Variants in KCNK10 observed in about 807,000 individuals in gnomAD.
KCNK10 encodes the protein potassium channel subfamily K member 10.
A neutral mutation model predicts 47.7 loss-of-function variants in KCNK10; 25 were observed. That is an observed-to-expected ratio of 0.52 (90% CI 0.38 to 0.73). The LOEUF (loss-of-function observed/expected upper bound fraction) is 0.73, where lower values mean the gene tolerates loss of function less well. Ranked by LOEUF, KCNK10 falls within the 30% of genes least tolerant of loss-of-function variation. The probability of loss-of-function intolerance (pLI) is 0.00; values close to 1 mark genes in which losing one functional copy is unlikely to be tolerated. For missense variants in KCNK10, 563 were observed against 714.5 expected, an observed-to-expected ratio of 0.79 and a Z score of 2.42; for synonymous variants, 303 against 285.6, an observed-to-expected ratio of 1.06 and a Z score of -0.61.
intron 1 of KCNK10, among the ~76,000 whole-genome samples, chr14:88,295,280 A>C (rs899301350): frequency 6.6e-6 from 1 of 152,242 alleles, no homozygotes; most frequent in African/African-American, 2.4e-5. Context: ...TAGTTCCCAG[A>C]TATGAATAGC....
chr14:88,235,726 A>C (rs1233650332), intron 3 of KCNK10, among the ~76,000 whole-genome samples: 1 of 152,238 alleles, frequency 6.6e-6, no homozygotes, highest in African/African-American at 2.4e-5. Context: ...AATGAGAGAC[A>C]TAGAAGATGA....
chr14:88,257,566 G>A (rs111787742), intron 2 of KCNK10, among the ~76,000 whole-genome samples: 1,549 of 152,288 alleles, frequency 0.01, 28 homozygotes, highest in African/African-American at 0.036. Flanking sequence ...AGTGCATGGT[G>A]GTTCAGAGCC....
At chr14:88,301,241 A>G (rs905575609) in intron 1 of KCNK10, among the ~76,000 whole-genome samples, 1 of 152,194 alleles carries the variant, frequency 6.6e-6, no homozygotes, top group African/African-American at 2.4e-5. Context: ...CATAGTAACA[A>G]TAAATGTTAG....
intron 2 of KCNK10, among the ~76,000 whole-genome samples, chr14:88,246,026 G>A (rs1486061305): frequency 2.0e-5 from 3 of 152,170 alleles, no homozygotes; most frequent in Non-Finnish European, 2.9e-5. Context: ...GCCAGGGATT[G>A]AGGCAGGATG....
chr14:88,284,898 G>A (rs1249304878), intron 1 of KCNK10, among the ~76,000 whole-genome samples: 5 of 152,150 alleles, frequency 3.3e-5, no homozygotes, highest in East Asian at 1.9e-4. Context: ...AAATGGGTAC[G>A]ATAAAGTAAC....
At chr14:88,206,191 G>T (rs984350904) in intron 4 of KCNK10, among the ~76,000 whole-genome samples, 17 of 152,160 alleles carry the variant, frequency 1.1e-4, no homozygotes, top group African/African-American at 4.1e-4. Context: ...GGAGCCCCCT[G>T]GAAGCTCTGT....
chr14:88,262,882 C>A (rs1224070975), intron 2 of KCNK10, among the ~76,000 whole-genome samples: 1 of 152,168 alleles, frequency 6.6e-6, no homozygotes, highest in Non-Finnish European at 1.5e-5. Context: ...TCCCAGCATT[C>A]CACAGAGTTC....
chr14:88,191,974 T>A (rs181446508), intron 5 of KCNK10, among the ~76,000 whole-genome samples: 1 of 152,194 alleles, frequency 6.6e-6, no homozygotes, highest in Non-Finnish European at 1.5e-5. Context: ...TTGCATAATT[T>A]GTGTGACGAT....
intron 3 of KCNK10, among the ~76,000 whole-genome samples, chr14:88,229,478 T>G (rs1163757594): frequency 2.6e-5 from 2 of 77,744 alleles, no homozygotes; most frequent in African/African-American, 7.0e-5. Context: ...ATGCAAAGTA[T>G]TATTATTATT....
rs1227716862 is a variant in KCNK10, at chr14:88,310,144, TCCATATCTCTCTCATATA to T, written c.52+12585_52+12602del. Among the ~76,000 whole-genome samples, 25 of 146,356 alleles carry T rather than the reference TCCATATCTCTCTCATATA, an allele frequency of 1.7e-4. 1 individual carries two copies. The highest frequency in any genetic ancestry group is 6.0e-4 in the African/African-American group (24 of 40,050). On this transcript the variant is annotated intron_variant, in intron 1 of 6. Transcript: ENST00000319231. Reference sequence around the variant, plus strand: ...ATGTGTTCTGGAGCTGATGTTTTAATCCATATCTCTCTCATATACCATATCATATGGTATATGATATAC... The same window carrying T: ...ATGTGTTCTGGAGCTGATGTTTTAATCCATATCATATGGTATATGATATAC...
rs1373177938 is a variant in KCNK10 at position 88,301,649 on chromosome 14, G to GGA, written c.52+21096_52+21097dup. Among the ~76,000 whole-genome samples the GGA allele has an allele frequency of 3.6e-4, 9 of 24,728 alleles. No individual in the cohort carries two copies. The South Asian group carries it at 4.2e-3, about 12-fold the overall frequency. 16.2% of individuals were successfully genotyped at this position (24,728 alleles called of 152,430 possible). On this transcript the variant is annotated intron_variant, in intron 1 of 6. Coordinates refer to ENST00000319231, the MANE Select transcript of KCNK10 (RefSeq NM_138317.3). ...GAAAATTGGGCAGAAGATAATCCTA[G>GGA]GAGAAAAAAAAAAAAGAGGTCCCGT...
chr14:88,253,001 C>T (rs910103101), intron 2 of KCNK10, among the ~76,000 whole-genome samples: 5 of 152,118 alleles, frequency 3.3e-5, no homozygotes, highest in Admixed American at 1.3e-4. Context: ...ATTAAGAGAG[C>T]GTGGCCTCTG....
At chr14:88,190,989 G>A (rs1399962200) in intron 5 of KCNK10, among the ~76,000 whole-genome samples, 3 of 152,102 alleles carry the variant, frequency 2.0e-5, no homozygotes, top group African/African-American at 4.8e-5. Context: ...GCTCACACCT[G>A]TAATCCCAGC....
intron 1 of KCNK10, among the ~76,000 whole-genome samples, chr14:88,312,439 C>T (rs1888345370): frequency 6.6e-6 from 1 of 152,174 alleles, no homozygotes; most frequent in Non-Finnish European, 1.5e-5. Context: ...GGCTGGATGC[C>T]GACTTGCGTT....
Position 88,186,098 on chromosome 14 carries a change from G to A in KCNK10, c.1069C>T (p.Arg357Trp), listed in dbSNP as rs764537069. The change falls in exon 7 of 7, where the codon CGG becomes TGG. Residue 357 changes from arginine (R) to tryptophan (W), a missense_variant. Arg to Trp is a moderately radical substitution (Grantham distance 101). Transcript: ENST00000319231. This position sits in a 1 kb window ranked among gnomAD's most constrained non-coding sequence, Gnocchi z 5.5. ...EWKANVTAEFRETRRRLSVEI... is the reference protein window; with the variant it reads ...EWKANVTAEFWETRRRLSVEI... Reference sequence around the variant, plus strand: ...ACGCTGAGCCTTCGCCGTGTCTCCCGGAACTCAGCCGTGACATTGGCCTTC... The same window carrying A: ...ACGCTGAGCCTTCGCCGTGTCTCCCAGAACTCAGCCGTGACATTGGCCTTC... 5.0e-6 allele frequency: 8 copies of A among 1,610,176 alleles called. No individual in the cohort carries two copies. The highest frequency in any genetic ancestry group is 2.2e-5 in the East Asian group (1 of 44,810).
At position 88,265,227 on chromosome 14, in the gene KCNK10, G is replaced by A. The variant is rs78278611; in HGVS notation, c.53-1676C>T. Among the ~76,000 whole-genome samples, 954 of 152,320 alleles carry A rather than the reference G, an allele frequency of 6.3e-3. 6 individuals carry two copies. Among genetic ancestry groups the A allele is most frequent in the Non-Finnish European group, 0.011 (717 of 68,034 alleles). On this transcript the variant is annotated intron_variant, in intron 1 of 6. Coordinates refer to ENST00000319231, the MANE Select transcript of KCNK10 (RefSeq NM_138317.3). ...GACATATATGAATGTTATCTTACAT[G>A]GCAAAAGGGACTTTGCAGATGTGAT...
chr14:88,245,460 A>T (rs1886606941), intron 2 of KCNK10, among the ~76,000 whole-genome samples: 1 of 152,174 alleles, frequency 6.6e-6, no homozygotes, highest in Non-Finnish European at 1.5e-5. Flanking sequence ...GACCCCTCAC[A>T]GGACCCCCCA....
chr14:88,282,054 T>C (rs549330529), intron 1 of KCNK10, among the ~76,000 whole-genome samples: 1 of 152,300 alleles, frequency 6.6e-6, no homozygotes, highest in East Asian at 1.9e-4. Context: ...TTCACTCTTA[T>C]ATACCCAGTA....
Position 88,263,530 on chromosome 14 carries a change from G to C in KCNK10, c.74C>G (p.Pro25Arg), listed in dbSNP as rs772938231. The C allele has an allele frequency of 2.2e-5, 35 of 1,611,810 alleles. No individual in the cohort carries two copies. The highest frequency in any genetic ancestry group is 2.8e-5 in the Non-Finnish European group (33 of 1,179,790). The change falls in exon 2 of 7, where the codon CCG becomes CGG. Residue 25 changes from proline to arginine, a missense_variant. Physicochemically the swap from Pro to Arg is moderately radical, Grantham distance 103. Coordinates refer to ENST00000319231, the MANE Select transcript of KCNK10 (RefSeq NM_138317.3). ...DPKVAVPAAA[P>R]VCQPKSATNG... is the part of the protein sequence containing the mutation. ...AGTGGCGCTCTTGGGCTGGCACACC[G>C]GTGCTGCTGCGGGAACGGCCACTGA... is the stretch of plus-strand genomic sequence containing the variant.
Sources: allele counts gnomAD v4.1 joint callset (sites outside exome capture counted in the v4.1 genomes callset), GRCh38; gene constraint gnomAD v4.1.1; non-coding constraint Gnocchi (gnomAD v3.1); transcripts MANE v1.5; gene names NCBI Gene and HGNC (gene_info 2026-07-23, HGNC 2026-07-21).